PROM2: variants seen among roughly 807,000 people sequenced by gnomAD.
PROM2 encodes the protein prominin-2.
A neutral mutation model predicts 110.2 loss-of-function variants in PROM2; 90 were observed. The observed-to-expected ratio is 0.82, with a 90% CI of 0.69 to 0.97. PROM2 has a LOEUF of 0.97. PROM2 is among the 50% of genes least tolerant of loss of function. PROM2 has a pLI of 0.00. For missense variants in PROM2, 1,009 were observed against 1,074.8 expected (o/e 0.94, Z 0.86); for synonymous variants, 470 against 467.8 (o/e 1.00, Z -0.06).
intron 12 of PROM2, 37 bp from the exon 13 acceptor site, chr2:95,281,888 C>T (rs1423184233): frequency 1.3e-6 from 2 of 1,520,558 alleles, no homozygotes; most frequent in Non-Finnish European, 1.8e-6. Context: ...TTGCCCCCAC[C>T]CCGCTCTGTG....
intron 15 of PROM2, 59 bp from the exon 16 acceptor site, chr2:95,285,580 G>C (rs1258819800): frequency 1.1e-5 from 15 of 1,419,800 alleles, no homozygotes; most frequent in Non-Finnish European, 1.4e-5. Context: ...GGGATCAGGT[G>C]GTGGTGGGCC....
intron 14 of PROM2, 80 bp from the exon 15 acceptor site, chr2:95,284,889 A>T: frequency 7.0e-7 from 1 of 1,422,014 alleles, no homozygotes. Flanking sequence ...TCGCCTGGTG[A>T]CCCCTGTGCT....
chr2:95,288,234 C>G lies in PROM2; in HGVS notation c.2268C>G (p.Cys756Trp), dbSNP rs1312361085. The change falls in exon 21 of 24, where the codon TGC (cysteine) becomes TGG (tryptophan). Residue 756 changes from cysteine to tryptophan, a missense_variant. Cys to Trp is a radical substitution (Grantham distance 215). Transcript: ENST00000317620. ...REEVTQRIAT[C>W]QPLSGALDNS... ...AGGTGACTCAGCGCATTGCCACCTG[C>G]CAGCCCCTCTCCGGAGCCCTGGACA... The G allele has an allele frequency of 6.2e-7, 1 of 1,613,838 alleles. No homozygotes were observed. The highest frequency in any genetic ancestry group is 8.5e-7 in the Non-Finnish European group (1 of 1,180,046).
Position 95,277,345 on chromosome 2 carries a change from CT to C in PROM2, c.773-18del. On this transcript the variant is annotated intron_variant, in intron 6 of 23. Transcript: ENST00000317620. ...ATGCATATGGTGGACCCTGCTCAGG[CT>C]GGGTGTGGGTCTCTCAGTCCTGCAG... is the stretch of plus-strand genomic sequence containing the variant. 1 of 1,596,838 alleles carries C rather than the reference CT, an allele frequency of 6.3e-7. No individual in the cohort carries two copies. The highest frequency in any genetic ancestry group is 8.5e-7 in the Non-Finnish European group (1 of 1,170,342).
In PROM2 at chr2:95,281,267, G is replaced by A. The variant is rs150250722; in HGVS notation, c.1453G>A (p.Ala485Thr). 1.2e-6 allele frequency: 2 copies of A among 1,613,136 alleles called. No homozygotes were observed. The highest frequency in any genetic ancestry group is 8.5e-7 in the Non-Finnish European group (1 of 1,180,018). ...AGGTGTGGGCCTCAGCTTCCTCTTT[G>A]CTGCACCCCTCATCCTCCTGGTGTT... ...MAGVGLSFLF[A>T]APLILLVFAT... Residue 485 changes from alanine (A) to threonine (T), a missense_variant, in exon 12 of 24, where the codon GCT becomes ACT. Ala to Thr is a moderately conservative substitution (Grantham distance 58). Coordinates refer to ENST00000317620, the MANE Select transcript of PROM2 (RefSeq NM_001165978.3).
At chr2:95,286,950 C>A in intron 18 of PROM2, 93 bp downstream of exon 18, 1 of 1,455,850 alleles carries the variant, frequency 6.9e-7, no homozygotes, top group Non-Finnish European at 9.6e-7. Flanking sequence ...CCTCAGAGCT[C>A]TGCCCAGGTT....
At chr2:95,274,901 C>T in intron 1 of PROM2, 72 bp downstream of exon 1, 1 of 1,463,438 alleles carries the variant, frequency 6.8e-7, no homozygotes, top group Non-Finnish European at 9.0e-7. Context: ...TCCCACTCTA[C>T]CATGGGATGT....
At chr2:95,289,089 C>T (rs1213694120) in intron 23 of PROM2, 83 bp downstream of exon 23, 7 of 1,183,120 alleles carry the variant, frequency 5.9e-6, no homozygotes, top group Non-Finnish European at 8.8e-6. Context: ...CTGGGGTTTC[C>T]AGGGCCTAGG....
chr2:95,275,312 G>T lies in PROM2; in HGVS notation c.245-149G>T. On this transcript the variant is annotated intron_variant, in intron 1 of 23. Transcript: ENST00000317620. This position sits in a 1 kb window ranked among gnomAD's most constrained non-coding sequence, Gnocchi z 4.4. Reference sequence around the variant, plus strand: ...CTGAGGTCAGGGCAGGATGGCACAGGGCTGCGGTGATGCAGCCTTCTGCGA... The same window carrying T: ...CTGAGGTCAGGGCAGGATGGCACAGTGCTGCGGTGATGCAGCCTTCTGCGA... 1.4e-6 allele frequency: 1 copy of T among 712,360 alleles called. No individual in the cohort carries two copies. The highest frequency in any genetic ancestry group is 2.4e-6 in the Non-Finnish European group (1 of 422,418). The allele number at this position is 712,360 out of a possible 1,614,324, so 44.1% of individuals were successfully genotyped here.
chr2:95,274,687 C>A lies in PROM2; in HGVS notation c.102C>A (p.Gly34=). ...GGGCCACAGACTGCAAGTTCCTTGG[C>A]CCGGCAGAGCACCTGACATTCACCC... ...AAGATDCKFL[G]PAEHLTFTPA... is the part of the protein sequence containing the mutation. Residue 34 remains glycine, a synonymous_variant, in exon 1 of 24, where the codon GGC becomes GGA. Coordinates refer to ENST00000317620, the MANE Select transcript of PROM2 (RefSeq NM_001165978.3). 1 of 1,612,928 alleles carries A rather than the reference C, an allele frequency of 6.2e-7. No individual in the cohort carries two copies.
At chr2:95,285,606 T>C in intron 15 of PROM2, 33 bp from the exon 16 acceptor site, 1 of 1,555,434 alleles carries the variant, frequency 6.4e-7, no homozygotes, top group South Asian at 1.2e-5. Flanking sequence ...GGAGCTGGGT[T>C]CATCCCTCCT....
rs2278067 is a variant in PROM2, at chr2:95,289,932, G to T, written c.*719G>T. 58,332 of 152,084 alleles carry T rather than the reference G, an allele frequency of 0.38. 14,106 individuals carry two copies. The highest frequency in any genetic ancestry group is 0.52 in the Non-Finnish European group (35,159 of 67,972). 9.4% of individuals were successfully genotyped at this position (152,084 alleles called of 1,614,324 possible). A position where few individuals can be genotyped will look rare whatever the true frequency, so the allele number is the denominator to read the frequency against. ...TGCAGATCTCATCCAGGATTTATTGGTGTCCAGTGGGGTGAGGGAGGCCTG... is the reference window on the plus strand; with the variant it reads ...TGCAGATCTCATCCAGGATTTATTGTTGTCCAGTGGGGTGAGGGAGGCCTG... On this transcript the variant is annotated 3_prime_UTR_variant, in exon 24 of 24. Coordinates refer to ENST00000317620, the MANE Select transcript of PROM2 (RefSeq NM_001165978.3).
rs777782030 is a variant in PROM2 at position 95,287,465 on chromosome 2, G to T, written c.2244+1G>T. The stretch of plus-strand genomic sequence containing the variant: ...GTACGTGGCCTGGGTGAGAGAGGAG[G>T]TGAGTGGGGCCTCAGAAGCAATGAC... On this transcript the variant is annotated splice_donor_variant, in intron 20 of 23. Coordinates refer to ENST00000317620, the MANE Select transcript of PROM2 (RefSeq NM_001165978.3). LOFTEE classifies it high-confidence loss of function. The T allele has an allele frequency of 1.2e-5, 19 of 1,613,726 alleles. No homozygotes were observed. In the Admixed American group the frequency reaches 1.8e-4, roughly 16 times the overall value.
At position 95,276,863 on chromosome 2, in the gene PROM2, AC is replaced by A. The variant is rs1676697207; in HGVS notation, c.683-103del. 27 of 1,243,854 alleles carry A rather than the reference AC, an allele frequency of 2.2e-5. No homozygotes were observed. The highest frequency in any genetic ancestry group is 3.0e-5 in the African/African-American group (2 of 66,118). 77.1% of individuals were successfully genotyped at this position (1,243,854 alleles called of 1,614,324 possible). On this transcript the variant is annotated intron_variant, in intron 5 of 23. Coordinates refer to ENST00000317620, the MANE Select transcript of PROM2 (RefSeq NM_001165978.3). This position sits in a 1 kb window ranked among gnomAD's most constrained non-coding sequence, Gnocchi z 4.6. ...TGTCCCCGCTCCTTCACTCCCCTCC[AC>A]CCCCCGGCTCCTGCAGAGCCCGGTG...
chr2:95,277,108 C>G, intron 6 of PROM2, 47 bp downstream of exon 6: 1 of 1,496,746 alleles, frequency 6.7e-7, no homozygotes, highest in South Asian at 1.3e-5. Context: ...AGCGGGTGTC[C>G]TCCTGGGGCG....
chr2:95,278,805 G>A, intron 9 of PROM2, 21 bp downstream of exon 9: 2 of 1,614,000 alleles, frequency 1.2e-6, no homozygotes, highest in Non-Finnish European at 8.5e-7. Context: ...ACGGGTCAGA[G>A]GCAGCTGCCA....
rs180765479 is a variant in PROM2 at position 95,286,789 on chromosome 2, A to G, written c.2041-15A>G. On this transcript the variant is annotated splice_polypyrimidine_tract_variant and intron_variant, in intron 17 of 23. Coordinates refer to ENST00000317620, the MANE Select transcript of PROM2 (RefSeq NM_001165978.3). ...CCTTGCACTCCCCTAACCAGCCCTGATCTCTTCTCCACAGGCAAAGCTCAA... is the reference window on the plus strand; with the variant it reads ...CCTTGCACTCCCCTAACCAGCCCTGGTCTCTTCTCCACAGGCAAAGCTCAA... The G allele has an allele frequency of 1.0e-3, 1,676 of 1,611,382 alleles. 15 individuals are homozygous for G. In the African/African-American group the frequency reaches 0.019, roughly 19 times the overall value.
Position 95,275,679 on chromosome 2 carries a change from G to A in PROM2, c.294+169G>A, listed in dbSNP as rs1676604379. On this transcript the variant is annotated intron_variant, in intron 2 of 23. Transcript: ENST00000317620. The surrounding 1 kb of genome is among the most constrained non-coding windows in gnomAD (Gnocchi z 4.4). ...GGCGCTGCAGTCCGTAGACCTGGGT[G>A]CAAACCACAGCTCTGCCATTTACTG... Among the ~76,000 whole-genome samples, 1 of 152,226 alleles carries A rather than the reference G, an allele frequency of 6.6e-6. No individual in the cohort carries two copies. The highest frequency in any genetic ancestry group is 1.9e-4 in the East Asian group (1 of 5,196).
At position 95,279,092 on chromosome 2, in the gene PROM2, G is replaced by A. The variant is rs1488050794; in HGVS notation, c.1222G>A (p.Glu408Lys). The A allele has an allele frequency of 2.5e-6, 4 of 1,600,922 alleles. No homozygotes were observed. The highest frequency in any genetic ancestry group is 1.7e-4 in the Middle Eastern group (1 of 5,730). Reference sequence around the variant, plus strand: ...CTGGGCCCAGGCACTGCAGGAGGTGGAGGAGAGCAGCCGCCCCTACCTGCA... The same window carrying A: ...CTGGGCCCAGGCACTGCAGGAGGTGAAGGAGAGCAGCCGCCCCTACCTGCA... ...SRWAQALQEV[E>K]ESSRPYLQEV... Residue 408 changes from glutamate (E) to lysine (K), a missense_variant, in exon 10 of 24, where the codon GAG becomes AAG. Coordinates refer to ENST00000317620, the MANE Select transcript of PROM2 (RefSeq NM_001165978.3).
Sources: allele counts gnomAD v4.1 joint callset (sites outside exome capture counted in the v4.1 genomes callset), GRCh38; gene constraint gnomAD v4.1.1; non-coding constraint Gnocchi (gnomAD v3.1); transcripts MANE v1.5; gene names NCBI Gene and HGNC (gene_info 2026-07-23, HGNC 2026-07-21).